The following PDGFRL variants were observed in gnomAD, a reference collection of about 807,000 sequenced individuals.
The protein encoded by PDGFRL is platelet derived growth factor receptor like, also known as platelet-derived growth factor receptor-like protein.
In PDGFRL, 46 loss-of-function variants were observed where a neutral mutation model predicts 37.2. That is an observed-to-expected ratio of 1.24 (90% CI 0.98 to 1.58). PDGFRL has a LOEUF of 1.58. Ranked by LOEUF, PDGFRL falls within the 40% of genes most tolerant of loss-of-function variation. The pLI is 0.00. For missense variants in PDGFRL, 692 were observed against 467.6 expected (o/e 1.48, Z -4.43); for synonymous variants, 251 against 184.3 (o/e 1.36, Z -2.93).
intron 3 of PDGFRL, among the ~76,000 whole-genome samples, chr8:17,623,525 A>G (rs1804674793): frequency 6.6e-6 from 1 of 152,194 alleles, no homozygotes; most frequent in Non-Finnish European, 1.5e-5. Flanking sequence ...GTCTTCCCAA[A>G]GTATTGGTCG....
At chr8:17,608,728 G>A (rs149318590) in intron 2 of PDGFRL, among the ~76,000 whole-genome samples, 1 of 152,212 alleles carries the variant, frequency 6.6e-6, no homozygotes, top group Non-Finnish European at 1.5e-5. Flanking sequence ...GAACTAGTGA[G>A]ATAAAAGACA....
chr8:17,634,298 C>G (rs546630452), intron 5 of PDGFRL, 85 bp downstream of exon 5: 1 of 1,079,134 alleles, frequency 9.3e-7, no homozygotes, highest in South Asian at 1.5e-5. Flanking sequence ...TCGTCCCCAC[C>G]CAGTGCTATA....
rs2150817033 is a variant in PDGFRL at position 17,595,195 on chromosome 8, A to G, written c.353+5430A>G. Among the ~76,000 whole-genome samples, 2 of 152,192 alleles carry G rather than the reference A, an allele frequency of 1.3e-5. 1 individual carries two copies. Among genetic ancestry groups the G allele is most frequent in the Non-Finnish European group, 2.9e-5 (2 of 67,996 alleles). ...CCATTAAGGGACTGCAGCCACCTCC[A>G]GGGACTCCGCCCTCCACTCACCTGC... On this transcript the variant is annotated intron_variant, in intron 2 of 5. Transcript: ENST00000251630.
intron 3 of PDGFRL, among the ~76,000 whole-genome samples, chr8:17,626,272 C>G (rs546594968): frequency 6.6e-6 from 1 of 152,308 alleles, no homozygotes; most frequent in South Asian, 2.1e-4. Flanking sequence ...TGTGTGAACT[C>G]ATGAACATTA....
At chr8:17,596,320 T>C (rs2150817827) in intron 2 of PDGFRL, 2 of 1,230,992 alleles carry the variant, frequency 1.6e-6, no homozygotes, top group Non-Finnish European at 2.0e-6. Flanking sequence ...CACAGGCACA[T>C]GGGCTGCACG....
At chr8:17,579,958 C>A (rs768401810) in intron 1 of PDGFRL, among the ~76,000 whole-genome samples, 5 of 152,024 alleles carry the variant, frequency 3.3e-5, no homozygotes, top group Admixed American at 3.3e-4. Context: ...ATACATGCCA[C>A]CGAGTTTATT....
At chr8:17,590,760 T>C (rs1044241520) in intron 2 of PDGFRL, among the ~76,000 whole-genome samples, 1 of 152,098 alleles carries the variant, frequency 6.6e-6, no homozygotes, top group African/African-American at 2.4e-5. Flanking sequence ...ACTCAATGTT[T>C]TATGTTGTTT....
intron 5 of PDGFRL, among the ~76,000 whole-genome samples, chr8:17,637,178 G>C (rs901099178): frequency 5.3e-5 from 8 of 152,282 alleles, no homozygotes; most frequent in African/African-American, 1.9e-4. Context: ...TCCTTGTCTT[G>C]TTGCAGTTCT....
At chr8:17,597,140 C>T (rs1008261051) in intron 2 of PDGFRL, among the ~76,000 whole-genome samples, 2 of 152,224 alleles carry the variant, frequency 1.3e-5, no homozygotes, top group South Asian at 2.1e-4. Context: ...AGTGCCTCAG[C>T]CTCCCGAGTA....
chr8:17,614,742 C>A (rs1044481209), intron 2 of PDGFRL, among the ~76,000 whole-genome samples: 3 of 152,158 alleles, frequency 2.0e-5, no homozygotes, highest in Non-Finnish European at 4.4e-5. Context: ...TGACATCCAG[C>A]TAATTTTTAA....
At chr8:17,597,170 G>A (rs1804071814) in intron 2 of PDGFRL, among the ~76,000 whole-genome samples, 2 of 152,182 alleles carry the variant, frequency 1.3e-5, no homozygotes, top group Non-Finnish European at 2.9e-5. Context: ...ACAGGTATCT[G>A]CCGCCACACC....
intron 1 of PDGFRL, among the ~76,000 whole-genome samples, chr8:17,587,478 C>A (rs1048155979): frequency 5.9e-5 from 9 of 152,138 alleles, no homozygotes; most frequent in Non-Finnish European, 1.5e-5. Flanking sequence ...TCATTAATTT[C>A]ACAGGCATTA....
At position 17,589,603 on chromosome 8, in the gene PDGFRL, C is replaced by A. The variant is rs765442768; in HGVS notation, c.191C>A (p.Thr64Lys). Residue 64 changes from threonine to lysine, a missense_variant, in exon 2 of 6, where the codon ACG (threonine) becomes AAG (lysine). By Grantham distance (78) the Thr-to-Lys change is moderately conservative. Transcript: ENST00000251630. ...DRDSANSAPK[T>K]QSIMMQVLDK... ...GACTCAGCCAATTCAGCACCAAAGA[C>A]GCAGTCTATCATGATGCAAGTGCTG... The A allele has an allele frequency of 6.2e-7, 1 of 1,613,938 alleles. No individual in the cohort carries two copies. Among genetic ancestry groups the A allele is most frequent in the African/African-American group, 1.3e-5 (1 of 75,028 alleles).
Position 17,594,555 on chromosome 8 carries a change from TTTTG to T in PDGFRL, c.353+4798_353+4801del, listed in dbSNP as rs1804011403. Reference sequence around the variant, plus strand: ...CCATGCCTGGCCTATACTACATTTATTTTGTTTGTTTTGTTTTGAGATGGAGTCT... The same window carrying T: ...CCATGCCTGGCCTATACTACATTTATTTTGTTTTGTTTTGAGATGGAGTCT... On this transcript the variant is annotated intron_variant, in intron 2 of 5. Transcript: ENST00000251630. Among the ~76,000 whole-genome samples the T allele has an allele frequency of 3.4e-5, 5 of 146,672 alleles. No individual in the cohort carries two copies. In the South Asian group the frequency reaches 1.1e-3, roughly 32 times the overall value.
rs1472752573 is a variant in PDGFRL at position 17,607,266 on chromosome 8, C to T, written c.354-13785C>T. Among the ~76,000 whole-genome samples, 3 of 151,844 alleles carry T rather than the reference C, an allele frequency of 2.0e-5. No homozygotes were observed. The East Asian group carries it at 5.8e-4, about 29-fold the overall frequency. ...TGCTCATACTAATGGTCCCAAGGTT[C>T]TCTAGATCACCCATTGCTCGTCGAT... On this transcript the variant is annotated intron_variant, in intron 2 of 5. Transcript: ENST00000251630.
At position 17,623,873 on chromosome 8, in the gene PDGFRL, C is replaced by CAAA. The variant is rs67846013; in HGVS notation, c.505+2681_505+2683dup. Among the ~76,000 whole-genome samples the CAAA allele has an allele frequency of 1.6e-3, 223 of 142,000 alleles. 1 individual carries two copies. Among genetic ancestry groups the CAAA allele is most frequent in the African/African-American group, 4.0e-3 (151 of 38,058 alleles). The allele number at this position is 142,000 out of a possible 152,430, so 93.2% of individuals were successfully genotyped here. A position where few individuals can be genotyped will look rare whatever the true frequency, so the allele number is the denominator to read the frequency against. Reference sequence around the variant, plus strand: ...TGGGCGACAGAGCAAGACTTTACCTCAAAAAAAAAAAATACGGGCTCTCTT... The same window carrying CAAA: ...TGGGCGACAGAGCAAGACTTTACCTCAAAAAAAAAAAAAAATACGGGCTCTCTT... On this transcript the variant is annotated intron_variant, in intron 3 of 5. Coordinates refer to ENST00000251630, the MANE Select transcript of PDGFRL (RefSeq NM_001372073.1).
At chr8:17,638,533 A>C (rs1353044475) in intron 5 of PDGFRL, among the ~76,000 whole-genome samples, 1 of 151,440 alleles carries the variant, frequency 6.6e-6, no homozygotes, top group Non-Finnish European at 1.5e-5. Context: ...TGTTGGGTCG[A>C]ATGTTCTACA....
intron 1 of PDGFRL, among the ~76,000 whole-genome samples, chr8:17,584,947 T>G (rs2150809349): frequency 6.6e-6 from 1 of 152,220 alleles, no homozygotes; most frequent in African/African-American, 2.4e-5. Flanking sequence ...TTACGGTTAC[T>G]TCTTGATTAT....
chr8:17,615,223 C>T (rs1804499086), intron 2 of PDGFRL, among the ~76,000 whole-genome samples: 1 of 152,086 alleles, frequency 6.6e-6, no homozygotes, highest in Admixed American at 6.6e-5. Context: ...TTAGTGTTGA[C>T]TTAATAGAAA....
Sources: allele counts gnomAD v4.1 joint callset (sites outside exome capture counted in the v4.1 genomes callset), GRCh38; gene constraint gnomAD v4.1.1; transcripts MANE v1.5; gene names NCBI Gene and HGNC (gene_info 2026-07-23, HGNC 2026-07-21).